Variants in CTNND1 observed in about 807,000 individuals in gnomAD.
CTNND1 encodes catenin delta-1.
Under a neutral mutation model 112.1 loss-of-function variants are expected in CTNND1, and 16 were observed. That is an observed-to-expected ratio of 0.14 (90% CI 0.10 to 0.22). The LOEUF (loss-of-function observed/expected upper bound fraction) is 0.22. Among genes scored for constraint, CTNND1 ranks in the 10% least tolerant of loss-of-function variants. CTNND1 has a pLI of 1.00. For synonymous variants in CTNND1, 420 were observed against 446.5 expected (o/e 0.94, Z 0.75); for missense variants, 1,008 against 1,257.0 (o/e 0.80, Z 3.00).
Position 57,761,833 on chromosome 11 carries a change from C to T in CTNND1, c.-500C>T, listed in dbSNP as rs1229484530. On this transcript the variant is annotated 5_prime_UTR_variant, in exon 1 of 21. Transcript: ENST00000399050. The stretch of plus-strand genomic sequence containing the variant: ...GTTTGTCACCACCCAGGCTCCCTTG[C>T]CTTTGGCTGGGTGCAACTTCCATTT... The T allele has an allele frequency of 2.0e-6, 2 of 984,988 alleles. No homozygotes were observed. Among genetic ancestry groups the T allele is most frequent in the African/African-American group, 3.5e-5 (2 of 57,096 alleles). 61.0% of individuals were successfully genotyped at this position (984,988 alleles called of 1,614,324 possible).
chr11:57,762,201 C>A, intron 1 of CTNND1, 82 bp downstream of exon 1: 1 of 634,496 alleles, frequency 1.6e-6, no homozygotes, highest in Non-Finnish European at 2.0e-6. Flanking sequence ...TTTCTACTTT[C>A]AGTACTTTGG....
chr11:57,784,181 C>T (rs1591352692), intron 1 of CTNND1, among the ~76,000 whole-genome samples: 1 of 151,618 alleles, frequency 6.6e-6, no homozygotes, highest in South Asian at 2.1e-4. Flanking sequence ...CTTGGCCTCC[C>T]AAAGTGCTGG....
intron 1 of CTNND1, among the ~76,000 whole-genome samples, chr11:57,782,203 A>C (rs1384503956): frequency 6.6e-6 from 1 of 152,116 alleles, no homozygotes; most frequent in Non-Finnish European, 1.5e-5. Flanking sequence ...GTTTTTTAAA[A>C]AATTCTTTTC....
intron 6 of CTNND1, among the ~76,000 whole-genome samples, chr11:57,801,205 T>C (rs756214008): frequency 7.9e-5 from 12 of 152,252 alleles, no homozygotes; most frequent in Non-Finnish European, 1.5e-4. Context: ...ATTTCCAAAA[T>C]AGGATAAGGA....
chr11:57,765,214 G>A (rs2135870690), intron 1 of CTNND1, among the ~76,000 whole-genome samples: 1 of 152,238 alleles, frequency 6.6e-6, no homozygotes, highest in African/African-American at 2.4e-5. Flanking sequence ...TCTAGACTAT[G>A]AGCAGCTTGG....
In CTNND1 at chr11:57,816,215, C is replaced by T. The variant is rs2063967069; in HGVS notation, c.2896-82C>T. ...TCCGTTATGTGCTGCTTTCCTTTCT[C>T]CAGATTTGCTCAACTTTTTTGGGGG... On this transcript the variant is annotated intron_variant, in intron 20 of 20. Coordinates refer to ENST00000399050, the MANE Select transcript of CTNND1 (RefSeq NM_001085458.2). 8 of 1,530,874 alleles carry T rather than the reference C, an allele frequency of 5.2e-6. No homozygotes were observed. The South Asian group carries it at 9.0e-5, about 17-fold the overall frequency. The allele number at this position is 1,530,874 out of a possible 1,614,324, so 94.8% of individuals were successfully genotyped here. A position where few individuals can be genotyped will look rare whatever the true frequency, so the allele number is the denominator to read the frequency against.
intron 13 of CTNND1, 39 bp downstream of exon 13, chr11:57,808,331 A>C: frequency 6.3e-7 from 1 of 1,599,764 alleles, no homozygotes. Context: ...GGGAAAACTT[A>C]GATAACTAGT....
chr11:57,810,637 T>G (rs2063227300), intron 16 of CTNND1, among the ~76,000 whole-genome samples: 2 of 152,146 alleles, frequency 1.3e-5, no homozygotes, highest in African/African-American at 4.8e-5. Context: ...ATGTTAAATC[T>G]ATTTTTGACC....
rs776691188 is a variant in CTNND1, at chr11:57,801,940, A to G, written c.1164A>G (p.Ala388=). 209 of 1,613,920 alleles carry G rather than the reference A, an allele frequency of 1.3e-4. No individual in the cohort carries two copies. Among genetic ancestry groups the G allele is most frequent in the Non-Finnish European group, 1.7e-4 (200 of 1,179,908 alleles). Residue 388 remains alanine (A), a synonymous_variant, in exon 7 of 21, where the codon GCA becomes GCG. Transcript: ENST00000399050. Reference sequence around the variant, plus strand: ...ATGCTGTCAAGTCCAATGCAGCTGCATACCTGCAACACTTATGCTACCGCA... The same window carrying G: ...ATGCTGTCAAGTCCAATGCAGCTGCGTACCTGCAACACTTATGCTACCGCA... ...RLDAVKSNAA[A]YLQHLCYRND...
intron 6 of CTNND1, among the ~76,000 whole-genome samples, chr11:57,797,868 T>C (rs1029108730): frequency 4.6e-4 from 61 of 131,612 alleles, no homozygotes; most frequent in Non-Finnish European, 2.1e-4. Context: ...AAAAAACAAC[T>C]TGTGATTGTT....
At chr11:57,795,826 A>G (rs1160078540) in intron 5 of CTNND1, 97 bp downstream of exon 5, 2 of 1,247,018 alleles carry the variant, frequency 1.6e-6, no homozygotes, top group Middle Eastern at 2.6e-4. Flanking sequence ...GAGGACTGAT[A>G]TGCCATTATT....
chr11:57,777,755 C>T (rs2059163527), intron 1 of CTNND1, among the ~76,000 whole-genome samples: 1 of 152,062 alleles, frequency 6.6e-6, no homozygotes, highest in Non-Finnish European at 1.5e-5. Flanking sequence ...CTGGTGTGCC[C>T]CTCTGGTTGG....
chr11:57,803,505 G>A (rs576590459), intron 7 of CTNND1, 116 bp from the exon 8 acceptor site: 1 of 675,292 alleles, frequency 1.5e-6, no homozygotes, highest in East Asian at 2.9e-5. Flanking sequence ...ATTACTATAA[G>A]GTATTTGGTC....
Position 57,802,030 on chromosome 11 carries a change from C to G in CTNND1, c.1254C>G (p.Asp418Glu). Residue 418 changes from aspartate (D) to glutamate (E), a missense_variant, in exon 7 of 21, where the codon GAC becomes GAG. Physicochemically the swap from Asp to Glu is conservative, Grantham distance 45 (BLOSUM62 2). Coordinates refer to ENST00000399050, the MANE Select transcript of CTNND1 (RefSeq NM_001085458.2). ...TCCCAGTACTGGTGGGATTGTTAGA[C>G]CATCCCAAAAAGGAAGTGCACCTTG... The part of the protein sequence containing the change: ...KGIPVLVGLL[D>E]HPKKEVHLGA... The G allele has an allele frequency of 6.2e-7, 1 of 1,614,008 alleles. No homozygotes were observed. Among genetic ancestry groups the G allele is most frequent in the Non-Finnish European group, 8.5e-7 (1 of 1,179,892 alleles).
intron 3 of CTNND1, among the ~76,000 whole-genome samples, chr11:57,793,433 C>G (rs1234069400): frequency 6.6e-6 from 1 of 152,108 alleles, no homozygotes; most frequent in Admixed American, 6.6e-5. Flanking sequence ...AGACTCGTAT[C>G]TCTTGCTTTT....
At chr11:57,811,828 A>G (rs917112777) in intron 17 of CTNND1, among the ~76,000 whole-genome samples, 3 of 152,260 alleles carry the variant, frequency 2.0e-5, no homozygotes, top group African/African-American at 7.2e-5. Flanking sequence ...CAAAATATAA[A>G]CAATCAGAAA....
chr11:57,809,351 A>C lies in CTNND1; in HGVS notation c.2320A>C (p.Thr774Pro). Residue 774 changes from threonine (T) to proline (P), a missense_variant, in exon 15 of 21, where the codon ACT (threonine) becomes CCT (proline). By Grantham distance (38) the Thr-to-Pro change is conservative. Coordinates refer to ENST00000399050, the MANE Select transcript of CTNND1 (RefSeq NM_001085458.2). ...QNSSWNFSED[T>P]VISILNTINE... ...CTCCTCTTGGAATTTCTCTGAGGAC[A>C]CTGTCATCTCTATTTTGAACACTAT... 1 of 1,613,996 alleles carries C rather than the reference A, an allele frequency of 6.2e-7. No individual in the cohort carries two copies. The highest frequency in any genetic ancestry group is 8.5e-7 in the Non-Finnish European group (1 of 1,179,846).
chr11:57,795,388 G>C (rs1174196578), intron 4 of CTNND1, among the ~76,000 whole-genome samples, 189 bp from the exon 5 acceptor site: 1 of 152,144 alleles, frequency 6.6e-6, no homozygotes, highest in Non-Finnish European at 1.5e-5. Flanking sequence ...ACTACAACTG[G>C]GAAATTATGT....
chr11:57,798,344 CAAA>C (rs71061542), intron 6 of CTNND1, among the ~76,000 whole-genome samples: 21 of 105,702 alleles, frequency 2.0e-4, no homozygotes, highest in Admixed American at 4.9e-4. Context: ...GAGACTGTCT[CAAA>C]AAAAAAAAAA....
Sources: allele counts gnomAD v4.1 joint callset (sites outside exome capture counted in the v4.1 genomes callset), GRCh38; gene constraint gnomAD v4.1.1; transcripts MANE v1.5; gene names NCBI Gene and HGNC (gene_info 2026-07-23, HGNC 2026-07-21).